The following UGT1A8 variants were observed in gnomAD, a reference collection of about 807,000 sequenced individuals.
UGT1A8 encodes UDP glucuronosyltransferase family 1 member A8, also known as UDP-glucuronosyltransferase 1A8.
A neutral mutation model predicts 45.3 loss-of-function variants in UGT1A8; 39 were observed. The observed-to-expected ratio is 0.86, with a 90% CI of 0.67 to 1.12. The LOEUF (loss-of-function observed/expected upper bound fraction) is 1.12, where lower values mean the gene tolerates loss of function less well. Ranked by LOEUF, UGT1A8 falls within the 50% of genes most tolerant of loss-of-function variation. The pLI is 0.00. For missense variants in UGT1A8, 719 were observed against 664.9 expected (o/e 1.08, Z -0.90); for synonymous variants, 275 against 249.2 (o/e 1.10, Z -0.97).
In UGT1A8 at chr2:233,713,110, A is replaced by C. The variant is rs151218104; in HGVS notation, c.856-53924A>C. On this transcript the variant is annotated intron_variant, in intron 1 of 4. Transcript: ENST00000373450. ...CTGGTGGTGCCCACTGATGGCAGCC[A>C]CTGGCTCAGCATGCGGGAGGCCTTG... 3.3e-5 allele frequency: 53 copies of C among 1,614,090 alleles called. No individual in the cohort carries two copies. In the African/African-American group the frequency reaches 3.6e-4, roughly 11 times the overall value.
chr2:233,655,742 T>C (rs1442752547), intron 1 of UGT1A8, among the ~76,000 whole-genome samples: 2 of 152,186 alleles, frequency 1.3e-5, no homozygotes, highest in African/African-American at 2.4e-5. Flanking sequence ...CTCCTGTCCC[T>C]GGAGGTTCAC....
In UGT1A8 at chr2:233,772,933, T is replaced by C. The variant is rs1700557835; in HGVS notation, c.*374T>C. On this transcript the variant is annotated 3_prime_UTR_variant, in exon 5 of 5. Coordinates refer to ENST00000373450, the MANE Select transcript of UGT1A8 (RefSeq NM_019076.5). ...ACTGCAAATGGCAGTTTTAATCTTA[T>C]CTTTTGGCTTCTGCAGATGGTTGCA... is the stretch of plus-strand genomic sequence containing the variant. 2 of 341,712 alleles carry C rather than the reference T, an allele frequency of 5.9e-6. No homozygotes were observed. Among genetic ancestry groups the C allele is most frequent in the East Asian group, 7.7e-5 (1 of 13,004 alleles). The allele number at this position is 341,712 out of a possible 1,614,324, so 21.2% of individuals were successfully genotyped here.
intron 1 of UGT1A8, chr2:233,743,541 ACC>A (rs544018510): frequency 1.5e-6 from 2 of 1,366,832 alleles, no homozygotes; most frequent in Non-Finnish European, 2.0e-6. Context: ...AGTTCCTCTG[ACC>A]CCCCCAAAAT....
chr2:233,633,023 C>G (rs771278109), intron 1 of UGT1A8, among the ~76,000 whole-genome samples: 6 of 151,972 alleles, frequency 3.9e-5, no homozygotes, highest in Non-Finnish European at 8.8e-5. Context: ...ACTAGTTCAT[C>G]AAGAATTTTT....
At chr2:233,668,230 G>A (rs528462666) in intron 1 of UGT1A8, among the ~76,000 whole-genome samples, 37 of 151,864 alleles carry the variant, frequency 2.4e-4, no homozygotes, top group South Asian at 1.0e-3. Flanking sequence ...GACAGGCCCC[G>A]GTGTGCGATA....
intron 1 of UGT1A8, chr2:233,692,943 G>C: frequency 1.3e-6 from 2 of 1,597,154 alleles, no homozygotes; most frequent in East Asian, 2.2e-5. Context: ...AAATACCTAG[G>C]AGCCCTGTGA....
At chr2:233,636,742 G>T (rs371744958) in intron 1 of UGT1A8, 1 of 1,614,206 alleles carries the variant, frequency 6.2e-7, no homozygotes, top group African/African-American at 1.3e-5. Flanking sequence ...GAATTGCACA[G>T]TGAAGACTTA....
Position 233,617,650 on chromosome 2 carries a change from G to A in UGT1A8, c.-58G>A, listed in dbSNP as rs949489299. ...CAGGTTTTGTGCCTGTAGTTCTTCC[G>A]CCTACTGTATCATAGCAGCTTAGAA... On this transcript the variant is annotated 5_prime_UTR_variant, in exon 1 of 5. Transcript: ENST00000373450. 10 of 1,556,842 alleles carry A rather than the reference G, an allele frequency of 6.4e-6. No homozygotes were observed. The highest frequency in any genetic ancestry group is 2.5e-5 in the South Asian group (2 of 80,984).
At chr2:233,725,028 T>C (rs2077347799) in intron 1 of UGT1A8, among the ~76,000 whole-genome samples, 1 of 148,182 alleles carries the variant, frequency 6.7e-6, no homozygotes, top group African/African-American at 2.5e-5. Flanking sequence ...AAACCCGGTC[T>C]CCACCAAAAC....
chr2:233,643,401 C>A (rs2073511701), intron 1 of UGT1A8, among the ~76,000 whole-genome samples: 1 of 151,984 alleles, frequency 6.6e-6, no homozygotes, highest in Non-Finnish European at 1.5e-5. Flanking sequence ...GGTCTTAAGT[C>A]AACTTGTGGT....
At chr2:233,678,158 G>A (rs1020581843) in intron 1 of UGT1A8, among the ~76,000 whole-genome samples, 9 of 152,154 alleles carry the variant, frequency 5.9e-5, no homozygotes, top group African/African-American at 2.2e-4. Context: ...AGACACTATG[G>A]ACTCCTAAAA....
intron 1 of UGT1A8, among the ~76,000 whole-genome samples, chr2:233,724,562 G>T (rs1169483427): frequency 1.1e-4 from 14 of 128,924 alleles, no homozygotes; most frequent in Non-Finnish European, 2.0e-4. Flanking sequence ...TCCCAGATGG[G>T]GCGGCGGGGC....
At chr2:233,733,232 T>G (rs2078369792) in intron 1 of UGT1A8, among the ~76,000 whole-genome samples, 1 of 152,224 alleles carries the variant, frequency 6.6e-6, no homozygotes, top group Non-Finnish European at 1.5e-5. Flanking sequence ...GTTTTCTAAA[T>G]ATACAATCAT....
chr2:233,697,829 T>C (rs1462256718), intron 1 of UGT1A8, among the ~76,000 whole-genome samples: 1 of 152,194 alleles, frequency 6.6e-6, no homozygotes, highest in Non-Finnish European at 1.5e-5. Flanking sequence ...CAAGAAAATC[T>C]AATTAAGAAG....
At chr2:233,634,424 C>G (rs34489175) in intron 1 of UGT1A8, among the ~76,000 whole-genome samples, 35,470 of 151,992 alleles carry the variant, frequency 0.23, 4,722 homozygotes, top group East Asian at 0.52. Context: ...AAGTCTCCCA[C>G]TATTATTGTA....
chr2:233,738,576 G>A (rs1326024752), intron 1 of UGT1A8, among the ~76,000 whole-genome samples: 1 of 152,168 alleles, frequency 6.6e-6, no homozygotes, highest in Non-Finnish European at 1.5e-5. Context: ...TTGAGAACTG[G>A]AGCAAAGGTC....
chr2:233,673,138 T>C (rs866454769), intron 1 of UGT1A8, among the ~76,000 whole-genome samples: 1 of 152,242 alleles, frequency 6.6e-6, no homozygotes, highest in African/African-American at 2.4e-5. Context: ...TTTGTGAACA[T>C]TCTTTTAATG....
At chr2:233,620,584 T>G (rs1010760627) in intron 1 of UGT1A8, among the ~76,000 whole-genome samples, 1 of 152,228 alleles carries the variant, frequency 6.6e-6, no homozygotes, top group Non-Finnish European at 1.5e-5. Flanking sequence ...TTATGAGATA[T>G]GAAATAAATG....
Position 233,769,622 on chromosome 2 carries a change from G to A in UGT1A8, c.1295+1183G>A, listed in dbSNP as rs926017310. 24 of 1,612,268 alleles carry A rather than the reference G, an allele frequency of 1.5e-5. No homozygotes were observed. Among genetic ancestry groups the A allele is most frequent in the Non-Finnish European group, 1.8e-5 (21 of 1,179,686 alleles). ...CACGGGGACACACCAGCTTGAGCAAGGGACAACAGGGGAGGACTGATGACT... is the reference window on the plus strand; with the variant it reads ...CACGGGGACACACCAGCTTGAGCAAAGGACAACAGGGGAGGACTGATGACT... On this transcript the variant is annotated intron_variant, in intron 4 of 4. Transcript: ENST00000373450. The surrounding 1 kb of genome is among the most constrained non-coding windows in gnomAD (Gnocchi z 4.4).
Sources: allele counts gnomAD v4.1 joint callset (sites outside exome capture counted in the v4.1 genomes callset), GRCh38; gene constraint gnomAD v4.1.1; non-coding constraint Gnocchi (gnomAD v3.1); transcripts MANE v1.5; gene names NCBI Gene and HGNC (gene_info 2026-07-23, HGNC 2026-07-21).